The following SPAG16 variants were observed in gnomAD, a reference collection of about 807,000 sequenced individuals.
SPAG16 encodes sperm associated antigen 16, also known as sperm-associated antigen 16 protein.
A neutral mutation model predicts 80.4 loss-of-function variants in SPAG16; 86 were observed. That is an observed-to-expected ratio of 1.07 (90% CI 0.90 to 1.28). The LOEUF (loss-of-function observed/expected upper bound fraction) is 1.28. Ranked by LOEUF, SPAG16 falls within the 50% of genes most tolerant of loss-of-function variation. SPAG16 has a pLI of 0.00. For missense variants in SPAG16, 870 were observed against 765.3 expected (o/e 1.14, Z -1.61); for synonymous variants, 294 against 265.9 (o/e 1.11, Z -1.03).
At chr2:213,960,833 G>A (rs2044377705) in intron 12 of SPAG16, among the ~76,000 whole-genome samples, 1 of 152,172 alleles carries the variant, frequency 6.6e-6, no homozygotes, top group African/African-American at 2.4e-5. Context: ...GGCTGGTGGG[G>A]GAGCGCTTGC....
At chr2:214,097,101 T>C (rs895667402) in intron 13 of SPAG16, among the ~76,000 whole-genome samples, 1 of 152,088 alleles carries the variant, frequency 6.6e-6, no homozygotes, top group Non-Finnish European at 1.5e-5. Flanking sequence ...AAAATTCTTT[T>C]GACATTAATT....
intron 1 of SPAG16, among the ~76,000 whole-genome samples, chr2:213,286,695 C>G (rs537061306): frequency 1.9e-4 from 29 of 152,322 alleles, no homozygotes; most frequent in African/African-American, 6.7e-4. Flanking sequence ...TGCATTTGGC[C>G]TGGATTTCCC....
At chr2:213,919,733 T>C (rs2078124583) in intron 11 of SPAG16, among the ~76,000 whole-genome samples, 1 of 152,188 alleles carries the variant, frequency 6.6e-6, no homozygotes, top group African/African-American at 2.4e-5. Flanking sequence ...GTTTAGAGTA[T>C]GTGCATGTGG....
At chr2:213,795,974 C>G (rs142776957) in intron 10 of SPAG16, among the ~76,000 whole-genome samples, 61 of 152,170 alleles carry the variant, frequency 4.0e-4, no homozygotes, top group African/African-American at 1.4e-3. Context: ...AAAGAATGGA[C>G]TAATACACTT....
At chr2:213,402,666 A>G (rs1290674997) in intron 9 of SPAG16, among the ~76,000 whole-genome samples, 7 of 151,426 alleles carry the variant, frequency 4.6e-5, no homozygotes, top group African/African-American at 1.7e-4. Context: ...TATGAGTGAG[A>G]ACATGCGGTG....
At chr2:213,404,993 A>G (rs16850273) in intron 9 of SPAG16, among the ~76,000 whole-genome samples, 9,111 of 152,244 alleles carry the variant, frequency 0.06, 908 homozygotes, top group African/African-American at 0.21. Context: ...GCATTTGGCA[A>G]CATACCCCAA....
At chr2:213,867,055 A>G (rs1367542002) in intron 11 of SPAG16, among the ~76,000 whole-genome samples, 1 of 152,208 alleles carries the variant, frequency 6.6e-6, no homozygotes, top group African/African-American at 2.4e-5. Context: ...TATTGTTTAC[A>G]GTGGAATTGG....
rs2061729875 is a variant in SPAG16, at chr2:213,620,288, T to TG, written c.1070+130198_1070+130199insG. ...TTAACAATAATTTATTGAGTTTTTT[T>TG]TTTTTTTTTTTTTTTTTTTTTTGAG... On this transcript the variant is annotated intron_variant, in intron 10 of 15. Transcript: ENST00000331683. Among the ~76,000 whole-genome samples the TG allele has an allele frequency of 3.3e-5, 4 of 123,006 alleles. No individual in the cohort carries two copies. The South Asian group carries it at 1.2e-3, about 36-fold the overall frequency. The allele number at this position is 123,006 out of a possible 152,430, so 80.7% of individuals were successfully genotyped here. A position where few individuals can be genotyped will look rare whatever the true frequency, so the allele number is the denominator to read the frequency against.
chr2:214,109,923 T>C (rs1305195279), intron 14 of SPAG16, among the ~76,000 whole-genome samples: 4 of 152,126 alleles, frequency 2.6e-5, no homozygotes, highest in African/African-American at 9.7e-5. Context: ...GGAGCTGAAA[T>C]GAATAATATT....
At chr2:213,776,280 A>C (rs1249929228) in intron 10 of SPAG16, among the ~76,000 whole-genome samples, 1 of 152,134 alleles carries the variant, frequency 6.6e-6, no homozygotes, top group East Asian at 1.9e-4. Flanking sequence ...TGTTCATGGG[A>C]GATGTGATTG....
chr2:214,182,015 G>A (rs939283850), intron 15 of SPAG16, among the ~76,000 whole-genome samples: 17 of 151,710 alleles, frequency 1.1e-4, no homozygotes, highest in African/African-American at 3.9e-4. Flanking sequence ...GTGATTTAAA[G>A]CCCTATGTTA....
intron 11 of SPAG16, among the ~76,000 whole-genome samples, chr2:213,922,575 A>G (rs917241474): frequency 1.2e-4 from 19 of 152,286 alleles, no homozygotes; most frequent in African/African-American, 4.1e-4. Flanking sequence ...GGGAAATAGT[A>G]TGATTATTTA....
intron 9 of SPAG16, among the ~76,000 whole-genome samples, chr2:213,448,373 T>A (rs2071473717): frequency 6.6e-6 from 1 of 152,350 alleles, no homozygotes; most frequent in South Asian, 2.1e-4. Flanking sequence ...AGCTCATTTA[T>A]CCATTGTGCC....
intron 12 of SPAG16, among the ~76,000 whole-genome samples, chr2:213,988,960 G>T (rs2046152309): frequency 6.6e-6 from 1 of 152,102 alleles, no homozygotes; most frequent in Admixed American, 6.6e-5. Flanking sequence ...GTAGAATGTG[G>T]AGTTCTACTA....
intron 12 of SPAG16, among the ~76,000 whole-genome samples, chr2:213,992,009 C>T (rs920445891): frequency 2.0e-5 from 3 of 151,816 alleles, no homozygotes; most frequent in Non-Finnish European, 2.9e-5. Context: ...TGTGTCACAT[C>T]GGACTTCAAA....
intron 15 of SPAG16, among the ~76,000 whole-genome samples, chr2:214,306,862 C>T (rs1430035215): frequency 6.6e-6 from 1 of 151,718 alleles, no homozygotes; most frequent in South Asian, 2.1e-4. Context: ...TTATTGTATC[C>T]CTGACAGGCT....
At chr2:213,842,350 C>A (rs866462153) in intron 10 of SPAG16, among the ~76,000 whole-genome samples, 7 of 152,076 alleles carry the variant, frequency 4.6e-5, no homozygotes, top group South Asian at 2.1e-4. Context: ...TGGTGTTTAT[C>A]TTCTGTTTTA....
chr2:213,370,518 T>C (rs1388407041), intron 8 of SPAG16, among the ~76,000 whole-genome samples: 1 of 152,168 alleles, frequency 6.6e-6, no homozygotes, highest in Non-Finnish European at 1.5e-5. Context: ...TGGTTTGAAA[T>C]TATCATAATT....
intron 13 of SPAG16, among the ~76,000 whole-genome samples, chr2:214,037,328 A>G (rs2048749392): frequency 6.6e-6 from 1 of 151,978 alleles, no homozygotes; most frequent in Non-Finnish European, 1.5e-5. Flanking sequence ...ATTTTTGATT[A>G]TTTATTCCAA....
Sources: allele counts gnomAD v4.1 joint callset (sites outside exome capture counted in the v4.1 genomes callset), GRCh38; gene constraint gnomAD v4.1.1; transcripts MANE v1.5; gene names NCBI Gene and HGNC (gene_info 2026-07-23, HGNC 2026-07-21).